CDH26: variants seen among roughly 807,000 people sequenced by gnomAD.
CDH26 encodes the protein cadherin 26.
A neutral mutation model predicts 90.3 loss-of-function variants in CDH26; 83 were observed. The observed-to-expected ratio is 0.92, with a 90% CI of 0.77 to 1.10. The LOEUF is 1.10. Ranked by LOEUF, CDH26 falls within the 50% of genes least tolerant of loss-of-function variation. The probability of loss-of-function intolerance (pLI) is 0.00; values close to 1 mark genes in which losing one functional copy is unlikely to be tolerated. For synonymous variants in CDH26, 397 were observed against 396.3 expected (o/e 1.00, Z -0.02); for missense variants, 1,013 against 1,037.6 (o/e 0.98, Z 0.33).
At chr20:60,007,063 C>G (rs1375979895) in intron 17 of CDH26, among the ~76,000 whole-genome samples, 3 of 152,178 alleles carry the variant, frequency 2.0e-5, no homozygotes, top group African/African-American at 7.2e-5. Context: ...CCGCCGTGTC[C>G]TCACATGGGA....
At chr20:59,996,950 A>G (rs544759810) in intron 13 of CDH26, among the ~76,000 whole-genome samples, 189 bp downstream of exon 13, 17 of 152,366 alleles carry the variant, frequency 1.1e-4, no homozygotes, top group African/African-American at 3.6e-4. Flanking sequence ...TTTTAGATCA[A>G]TGGTTCTCAA....
rs1489884808 is a variant in CDH26 at position 59,996,711 on chromosome 20, C to G, written c.1969C>G (p.His657Asp). 3.1e-6 allele frequency: 5 copies of G among 1,614,102 alleles called. No homozygotes were observed. The highest frequency in any genetic ancestry group is 4.2e-6 in the Non-Finnish European group (5 of 1,180,048). Reference sequence around the variant, plus strand: ...ATGCTCTGTATCCAATGATGAAGGCCACCAAACACTGGTCATGTATAATGC... The same window carrying G: ...ATGCTCTGTATCCAATGATGAAGGCGACCAAACACTGGTCATGTATAATGC... Reference protein sequence around the residue: ...HGCSVSNDEGHQTLVMYNAES... With the variant: ...HGCSVSNDEGDQTLVMYNAES... Residue 657 changes from histidine (H) to aspartate (D), a missense_variant, in exon 13 of 18, where the codon CAC becomes GAC. His to Asp is a moderately conservative substitution (Grantham distance 81, BLOSUM62 -1). Transcript: ENST00000348616.
rs371499658 is a variant in CDH26, at chr20:59,987,588, G to A, written c.973G>A (p.Asp325Asn). The change falls in exon 8 of 18, where the codon GAC becomes AAC. Residue 325 changes from aspartate (D) to asparagine (N), a missense_variant. Transcript: ENST00000348616. ...GCATGGCAATGAAGAGGGGCATTTTGACATTTCGACTGACCCTGAGACCAA... is the reference window on the plus strand; with the variant it reads ...GCATGGCAATGAAGAGGGGCATTTTAACATTTCGACTGACCCTGAGACCAA... ...ILHGNEEGHF[D>N]ISTDPETNEG... 2.9e-5 allele frequency: 47 copies of A among 1,613,852 alleles called. No individual in the cohort carries two copies. The highest frequency in any genetic ancestry group is 3.8e-5 in the Non-Finnish European group (45 of 1,179,882).
At chr20:60,005,638 A>T (rs1307578321) in intron 16 of CDH26, among the ~76,000 whole-genome samples, 3 of 152,184 alleles carry the variant, frequency 2.0e-5, no homozygotes, top group African/African-American at 7.2e-5. Flanking sequence ...CTCAGCCATA[A>T]AGGCCACCAG....
rs768562324 is a variant in CDH26, at chr20:60,012,739, G to T, written c.*9G>T. The T allele has an allele frequency of 6.3e-7, 1 of 1,599,424 alleles. No individual in the cohort carries two copies. The highest frequency in any genetic ancestry group is 8.6e-7 in the Non-Finnish European group (1 of 1,168,676). ...CAGGTGTTCCTTCCTAAAAAAAAAAGTCTATTTTGGAGAATTGAAATAATT... is the reference window on the plus strand; with the variant it reads ...CAGGTGTTCCTTCCTAAAAAAAAAATTCTATTTTGGAGAATTGAAATAATT... On this transcript the variant is annotated 3_prime_UTR_variant, in exon 18 of 18. Transcript: ENST00000348616.
intron 8 of CDH26, among the ~76,000 whole-genome samples, chr20:60,032,904 C>T (rs983083033): frequency 9.3e-5 from 14 of 150,334 alleles, no homozygotes; most frequent in African/African-American, 2.2e-4. Context: ...TGCTAGATGA[C>T]GAGTTAGTGG....
chr20:60,012,652 A>G lies in CDH26; in HGVS notation c.2421A>G (p.Gln807=), dbSNP rs111692932. The G allele has an allele frequency of 1.7e-5, 28 of 1,613,190 alleles. No homozygotes were observed. The highest frequency in any genetic ancestry group is 8.5e-7 in the Non-Finnish European group (1 of 1,179,736). ...SSLASLEQEL[Q]PDLLDSLGSK... is the part of the protein sequence containing the mutation. The stretch of plus-strand genomic sequence containing the variant: ...TGGCCAGCTTGGAACAGGAGTTGCA[A>G]CCTGATTTGCTGGACTCTTTGGGTT... The change falls in exon 18 of 18, where the codon CAA becomes CAG. Residue 807 remains glutamine, a synonymous_variant. Coordinates refer to ENST00000348616, the MANE Select transcript of CDH26 (RefSeq NM_177980.4).
chr20:59,972,873 C>T (rs2145976106), intron 4 of CDH26, among the ~76,000 whole-genome samples: 1 of 152,254 alleles, frequency 6.6e-6, no homozygotes, highest in East Asian at 1.9e-4. Flanking sequence ...CCAGTGATCT[C>T]AAAGTACTTA....
chr20:60,019,531 A>G (rs1166710570), intron 7 of CDH26, among the ~76,000 whole-genome samples: 1 of 152,230 alleles, frequency 6.6e-6, no homozygotes, highest in Non-Finnish European at 1.5e-5. Context: ...CTTCCATTCC[A>G]GAATTTCCAC....
intron 9 of CDH26, among the ~76,000 whole-genome samples, chr20:59,990,791 A>G (rs1458133325): frequency 6.6e-6 from 1 of 152,082 alleles, no homozygotes; most frequent in Non-Finnish European, 1.5e-5. Context: ...TAGCTGTCAA[A>G]CTATAGTGTG....
intron 7 of CDH26, among the ~76,000 whole-genome samples, chr20:60,024,934 G>T (rs1433178527): frequency 6.6e-6 from 1 of 152,172 alleles, no homozygotes; most frequent in Non-Finnish European, 1.5e-5. Flanking sequence ...GTTCTGAAGG[G>T]TCCTGCAGAG....
At chr20:60,016,863 G>A (rs1426849449), downstream of CDH26, among the ~76,000 whole-genome samples, 7 of 151,930 alleles carry the variant, frequency 4.6e-5, no homozygotes, top group South Asian at 6.2e-4. Flanking sequence ...TTCTGCATCC[G>A]TTGAGATAAT....
intron 13 of CDH26, among the ~76,000 whole-genome samples, chr20:59,997,036 T>C (rs1261973548): frequency 6.6e-6 from 1 of 152,254 alleles, no homozygotes. Flanking sequence ...TTAGGAGTGC[T>C]ACTGGCATCT....
chr20:60,011,315 T>G (rs2061837129), intron 17 of CDH26, among the ~76,000 whole-genome samples: 2 of 152,360 alleles, frequency 1.3e-5, no homozygotes, highest in South Asian at 4.1e-4. Flanking sequence ...CGCTTGTGTT[T>G]AACCCACTCA....
chr20:59,961,060 G>A (rs1334434701), intron 1 of CDH26, among the ~76,000 whole-genome samples: 4 of 152,162 alleles, frequency 2.6e-5, no homozygotes, highest in Admixed American at 6.5e-5. Flanking sequence ...CAAGAGTTAC[G>A]AGTTTCCTTA....
chr20:60,001,830 CTACA>C (rs1395735198), intron 15 of CDH26, among the ~76,000 whole-genome samples: 1 of 152,222 alleles, frequency 6.6e-6, no homozygotes, highest in East Asian at 1.9e-4. Flanking sequence ...TTCTTGTACT[CTACA>C]TACAAATTCC....
chr20:60,001,123 T>A (rs1337505829), intron 14 of CDH26, among the ~76,000 whole-genome samples: 1 of 152,210 alleles, frequency 6.6e-6, no homozygotes, highest in African/African-American at 2.4e-5. Context: ...AACCTCCTCC[T>A]GCCATGCGGT....
intron 16 of CDH26, among the ~76,000 whole-genome samples, chr20:60,003,144 C>G (rs762801719): frequency 5.3e-5 from 8 of 152,222 alleles, no homozygotes; most frequent in Non-Finnish European, 1.0e-4. Context: ...GCTGAGTTTT[C>G]TGCTGTGCTT....
chr20:60,009,739 C>A (rs1488493953), intron 17 of CDH26, among the ~76,000 whole-genome samples: 2 of 152,106 alleles, frequency 1.3e-5, no homozygotes, highest in African/African-American at 4.8e-5. Context: ...AATCAGGGTG[C>A]AGACATCCAC....
Sources: gnomAD v4.1 joint callset for allele counts (sites outside exome capture counted in the v4.1 genomes callset) on GRCh38, gnomAD v4.1.1 for gene constraint, MANE v1.5 for transcripts, NCBI Gene and HGNC (gene_info 2026-07-23, HGNC 2026-07-21) for gene names.